GRIP1: variants seen among roughly 807,000 people sequenced by gnomAD.
The protein encoded by GRIP1 is glutamate receptor interacting protein 1, also known as glutamate receptor-interacting protein 1.
GRIP1 carries 45 observed loss-of-function variants against 129.9 expected under a neutral mutation model. That is an observed-to-expected ratio of 0.35 (90% confidence interval 0.27 to 0.44). GRIP1 has a LOEUF of 0.44. Ranked by LOEUF, GRIP1 falls within the 20% of genes least tolerant of loss-of-function variation. GRIP1 has a pLI of 1.00. For missense variants in GRIP1, 1,196 were observed against 1,396.8 expected (o/e 0.86, Z 2.29); for synonymous variants, 530 against 520.8 (o/e 1.02, Z -0.24).
Position 66,463,072 on chromosome 12 carries a change from T to A in GRIP1, c.894A>T (p.Gly298=). The A allele has an allele frequency of 6.2e-7, 1 of 1,613,966 alleles. No individual in the cohort carries two copies. The highest frequency in any genetic ancestry group is 8.5e-7 in the Non-Finnish European group (1 of 1,179,894). The change falls in exon 9 of 25, where the codon GGA becomes GGT. Residue 298 remains glycine (G), a synonymous_variant. Transcript: ENST00000359742. ...IADRCGALHV[G]DHILSIDGTS... is the part of the protein sequence containing the mutation. ...TTCCATCGATGGAGAGGATGTGATCTCCCACATGCAATGCGCCACATCTAC... is the reference window on the plus strand; with the variant it reads ...TTCCATCGATGGAGAGGATGTGATCACCCACATGCAATGCGCCACATCTAC...
chr12:66,416,860 A>T (rs917992682), intron 15 of GRIP1, among the ~76,000 whole-genome samples: 1 of 152,082 alleles, frequency 6.6e-6, no homozygotes, highest in Non-Finnish European at 1.5e-5. Flanking sequence ...TGCTAAAACT[A>T]TTCTGAAAAA....
At chr12:66,581,290 C>G (rs986622949) in intron 2 of GRIP1, among the ~76,000 whole-genome samples, 1 of 151,440 alleles carries the variant, frequency 6.6e-6, no homozygotes, top group Admixed American at 6.6e-5. Flanking sequence ...TAAATGCCCA[C>G]AAGAGAAAGC....
chr12:66,385,255 G>T (rs1031988545), intron 19 of GRIP1, among the ~76,000 whole-genome samples: 2 of 152,196 alleles, frequency 1.3e-5, no homozygotes, highest in Admixed American at 1.3e-4. Flanking sequence ...GGTGGCTCAG[G>T]CAGGGCACGG....
At chr12:66,423,015 T>C (rs6581687) in intron 14 of GRIP1, among the ~76,000 whole-genome samples, 56,746 of 152,102 alleles carry the variant, frequency 0.37, 10,741 homozygotes, top group East Asian at 0.45. Context: ...CCAAGCATGC[T>C]TTGCTTGGCT....
At position 66,542,044 on chromosome 12, in the gene GRIP1, T is replaced by C. The variant is rs117675467; in HGVS notation, c.137-94A>G. 1,327 of 1,143,016 alleles carry C rather than the reference T, an allele frequency of 1.2e-3. 15 individuals carry two copies. The East Asian group carries it at 0.027, about 23-fold the overall frequency. The allele number at this position is 1,143,016 out of a possible 1,614,324, so 70.8% of individuals were successfully genotyped here. A position where few individuals can be genotyped will look rare whatever the true frequency, so the allele number is the denominator to read the frequency against. On this transcript the variant is annotated intron_variant, in intron 2 of 24. Transcript: ENST00000359742. ...GAAGTTCTTTCCACTTTTTCTTTTATGAGAAAAGATATTTATGGCCTCCTT... is the reference window on the plus strand; with the variant it reads ...GAAGTTCTTTCCACTTTTTCTTTTACGAGAAAAGATATTTATGGCCTCCTT...
intron 7 of GRIP1, among the ~76,000 whole-genome samples, chr12:66,515,261 T>C (rs1036851603): frequency 6.6e-5 from 10 of 151,934 alleles, no homozygotes; most frequent in African/African-American, 2.4e-4. Context: ...TCAGTCTCTA[T>C]GTAATAATAA....
intron 13 of GRIP1, among the ~76,000 whole-genome samples, chr12:66,435,391 T>A (rs1383979513): frequency 5.3e-5 from 8 of 152,044 alleles, no homozygotes; most frequent in African/African-American, 1.9e-4. Context: ...TCTGTAGAGA[T>A]GGGGTTTCCG....
chr12:66,989,468 G>A (rs190275834), intron 1 of GRIP1, among the ~76,000 whole-genome samples: 50 of 152,250 alleles, frequency 3.3e-4, no homozygotes, highest in African/African-American at 1.1e-3. Context: ...TTACGGGGGC[G>A]TCTCGTCTGT....
intron 1 of GRIP1, among the ~76,000 whole-genome samples, chr12:66,908,120 C>A (rs994074592): frequency 2.6e-5 from 4 of 152,156 alleles, no homozygotes; most frequent in African/African-American, 9.7e-5. Context: ...TGAATTACAT[C>A]AAATGGAAGA....
intron 2 of GRIP1, among the ~76,000 whole-genome samples, chr12:66,578,403 G>A (rs541304575): frequency 2.6e-5 from 4 of 152,194 alleles, no homozygotes; most frequent in African/African-American, 9.6e-5. Flanking sequence ...CAGACAGTGG[G>A]TGCAGGTCAG....
intron 1 of GRIP1, among the ~76,000 whole-genome samples, chr12:67,016,644 A>T (rs577337651): frequency 1.3e-5 from 2 of 152,312 alleles, no homozygotes; most frequent in South Asian, 4.1e-4. Context: ...AAGGGAATTA[A>T]AGTCTGAACT....
rs10545416 is a variant in GRIP1 at position 66,533,840 on chromosome 12, TACACAC to T, written c.419-3932_419-3927del. ...TCAAACCAGTTTTCTTCTATCAGATTACACACACACACACACACACACTCACACACA... is the reference window on the plus strand; with the variant it reads ...TCAAACCAGTTTTCTTCTATCAGATTACACACACACACACACTCACACACA... On this transcript the variant is annotated intron_variant, in intron 4 of 24. Coordinates refer to ENST00000359742, the MANE Select transcript of GRIP1 (RefSeq NM_001366722.1). 1.7e-3 allele frequency among the ~76,000 whole-genome samples: 252 copies of T among 144,844 alleles called. 4 individuals are homozygous for T. Among genetic ancestry groups the T allele is most frequent in the Non-Finnish European group, 2.7e-3 (180 of 65,940 alleles).
At chr12:66,807,728 C>T (rs941683011), upstream of GRIP1, among the ~76,000 whole-genome samples, 3 of 152,004 alleles carry the variant, frequency 2.0e-5, no homozygotes, top group African/African-American at 4.8e-5. Flanking sequence ...GCTCACTCCC[C>T]CTTTGCCTTT....
intron 1 of GRIP1, among the ~76,000 whole-genome samples, chr12:66,637,380 CTTT>C (rs530866678): frequency 2.0e-5 from 3 of 150,932 alleles, no homozygotes; most frequent in East Asian, 1.9e-4. Flanking sequence ...TGAATGTCTT[CTTT>C]TGTCTTCTTT....
At chr12:66,350,968 C>G (rs182267692) in intron 24 of GRIP1, among the ~76,000 whole-genome samples, 1 of 152,142 alleles carries the variant, frequency 6.6e-6, no homozygotes, top group Admixed American at 6.5e-5. Flanking sequence ...GCCTCAACTG[C>G]GATGAGAGTA....
chr12:66,695,487 C>T (rs1327173605), intron 1 of GRIP1, among the ~76,000 whole-genome samples: 2 of 152,270 alleles, frequency 1.3e-5, no homozygotes, highest in African/African-American at 4.8e-5. Context: ...CTCCTCTTGG[C>T]CCTAGTCCAT....
chr12:66,355,406 AAG>A (rs2137102293), intron 23 of GRIP1, among the ~76,000 whole-genome samples: 1 of 151,842 alleles, frequency 6.6e-6, no homozygotes, highest in South Asian at 2.1e-4. Context: ...TAAGATGGGT[AAG>A]AGTCTTCATT....
At chr12:66,427,848 C>CA (rs925814379) in intron 14 of GRIP1, among the ~76,000 whole-genome samples, 1 of 151,948 alleles carries the variant, frequency 6.6e-6, no homozygotes, top group African/African-American at 2.4e-5. Context: ...AACTGCAAAT[C>CA]AAAAAAAATT....
At chr12:66,364,265 C>CAAAAAAAAAAAAAAAA (rs1159887365) in intron 23 of GRIP1, among the ~76,000 whole-genome samples, 11 of 16,334 alleles carry the variant, frequency 6.7e-4, no homozygotes, top group African/African-American at 9.7e-4. Flanking sequence ...GACTCCATCT[C>CAAAAAAAAAAAAAAAA]AAAAAAAAAA....
Sources: allele counts gnomAD v4.1 joint callset (sites outside exome capture counted in the v4.1 genomes callset), GRCh38; gene constraint gnomAD v4.1.1; transcripts MANE v1.5; gene names NCBI Gene and HGNC (gene_info 2026-07-23, HGNC 2026-07-21).